SENP7: variants seen among roughly 807,000 people sequenced by gnomAD.
The protein encoded by SENP7 is sentrin-specific protease 7.
A neutral mutation model predicts 141.2 loss-of-function variants in SENP7; 64 were observed. That is an observed-to-expected ratio of 0.45 (90% CI 0.37 to 0.56). The LOEUF (loss-of-function observed/expected upper bound fraction) is 0.56. SENP7 is among the 20% of genes least tolerant of loss of function. SENP7 has a pLI of 0.00. For missense variants in SENP7, 1,025 were observed against 1,212.2 expected (o/e 0.85, Z 2.29); for synonymous variants, 382 against 426.4 (o/e 0.90, Z 1.28).
intron 8 of SENP7, among the ~76,000 whole-genome samples, 182 bp downstream of exon 8, chr3:101,367,648 T>G (rs1355317633): frequency 6.6e-6 from 1 of 152,180 alleles, no homozygotes; most frequent in African/African-American, 2.4e-5. Context: ...CCAATAACTC[T>G]GTATCACCAA....
chr3:101,463,378 T>TATATATATATATATATATATAC (rs2063632896), intron 3 of SENP7, among the ~76,000 whole-genome samples: 3 of 84,408 alleles, frequency 3.6e-5, no homozygotes, highest in Admixed American at 1.3e-4. Context: ...TATATATATA[T>TATATATATATATATATATATAC]ATATATATAT....
chr3:101,466,640 T>C (rs753282213), intron 3 of SENP7, among the ~76,000 whole-genome samples: 2 of 152,004 alleles, frequency 1.3e-5, no homozygotes, highest in Non-Finnish European at 2.9e-5. Flanking sequence ...TAAAACTCAA[T>C]AGTAGAGCAG....
intron 4 of SENP7, among the ~76,000 whole-genome samples, chr3:101,434,262 C>A (rs1485805042): frequency 6.6e-6 from 1 of 151,402 alleles, no homozygotes; most frequent in Non-Finnish European, 1.5e-5. Context: ...TACAGCAAAA[C>A]CTATAGGATA....
chr3:101,441,357 G>A (rs982036263), intron 4 of SENP7, among the ~76,000 whole-genome samples: 2 of 152,050 alleles, frequency 1.3e-5, no homozygotes, highest in African/African-American at 4.8e-5. Context: ...GGTGCACCCT[G>A]CCCCTGCAAA....
chr3:101,434,390 C>A (rs998917142), intron 4 of SENP7, among the ~76,000 whole-genome samples: 2 of 150,596 alleles, frequency 1.3e-5, no homozygotes, highest in East Asian at 3.9e-4. Context: ...ATAGCAAGAG[C>A]AAACCAAACC....
In SENP7 at chr3:101,366,759, T is replaced by C. The variant is rs141460045; in HGVS notation, c.989A>G (p.Glu330Gly). The C allele has an allele frequency of 6.3e-7, 1 of 1,577,834 alleles. No individual in the cohort carries two copies. Among genetic ancestry groups the C allele is most frequent in the African/African-American group, 1.4e-5 (1 of 73,544 alleles). Residue 330 changes from glutamate to glycine, a missense_variant, in exon 9 of 24, where the codon GAA becomes GGA. By Grantham distance (98) the Glu-to-Gly change is moderately conservative. Coordinates refer to ENST00000394095, the MANE Select transcript of SENP7 (RefSeq NM_020654.5). ...CTCAGTGGATATTGTTGAGTCATCT[T>C]CTTGTTTTTTCTAAACATAAACACA... ...DKSTEQTKKQ[E>G]DDSTISTEFE...
chr3:101,347,936 C>G lies in SENP7; in HGVS notation c.1773G>C (p.Trp591Cys). ...TCTCTTGAAGATAATCTGAAGAGAC[C>G]CAGAAGAAAAGAATAGCATGACTCC... Reference protein sequence around the residue: ...SKRSHAILFFWVSSDYLQEIQ... With the variant: ...SKRSHAILFFCVSSDYLQEIQ... Residue 591 changes from tryptophan to cysteine, a missense_variant, in exon 13 of 24, where the codon TGG (tryptophan) becomes TGC (cysteine). Around this residue, in one of 4 missense-constraint regions of SENP7, gnomAD observed 228 missense variants for 228.5 expected, o/e 1.00. Transcript: ENST00000394095. 6.2e-7 allele frequency: 1 copy of G among 1,608,050 alleles called. No individual in the cohort carries two copies. The highest frequency in any genetic ancestry group is 8.5e-7 in the Non-Finnish European group (1 of 1,175,962).
intron 7 of SENP7, among the ~76,000 whole-genome samples, chr3:101,371,107 C>G (rs1014604706): frequency 1.3e-5 from 2 of 152,014 alleles, no homozygotes; most frequent in African/African-American, 2.4e-5. Context: ...CTGGGCAACA[C>G]GGCAAGACCT....
intron 5 of SENP7, among the ~76,000 whole-genome samples, chr3:101,399,529 G>C (rs1362229703): frequency 2.6e-5 from 4 of 152,192 alleles, no homozygotes; most frequent in African/African-American, 4.8e-5. Context: ...TGCATCTCTG[G>C]TAATGAAAGA....
Position 101,466,983 on chromosome 3 carries a change from A to G in SENP7, c.187-7931T>C, listed in dbSNP as rs2107937683. On this transcript the variant is annotated intron_variant, in intron 3 of 23. Transcript: ENST00000394095. The stretch of plus-strand genomic sequence containing the variant: ...AAAAATGGGACAGTCCCGCCCAAAT[A>G]CTGCACTTTTCCCAAGGTCTTAGCA... 2.0e-5 allele frequency among the ~76,000 whole-genome samples: 3 copies of G among 152,278 alleles called. No homozygotes were observed. The South Asian group carries it at 6.2e-4, about 32-fold the overall frequency.
At chr3:101,421,664 G>C (rs146609987) in intron 4 of SENP7, among the ~76,000 whole-genome samples, 1 of 152,026 alleles carries the variant, frequency 6.6e-6, no homozygotes, top group African/African-American at 2.4e-5. Context: ...TGGCTTCTCC[G>C]GGAAAATACT....
chr3:101,454,962 T>A (rs1359814474), intron 4 of SENP7, among the ~76,000 whole-genome samples: 1 of 152,216 alleles, frequency 6.6e-6, no homozygotes, highest in Non-Finnish European at 1.5e-5. Flanking sequence ...ATTATTTAAT[T>A]ATTGAATTAA....
intron 4 of SENP7, among the ~76,000 whole-genome samples, chr3:101,445,840 A>G (rs1474557404): frequency 2.0e-5 from 3 of 152,250 alleles, no homozygotes; most frequent in Non-Finnish European, 2.9e-5. Flanking sequence ...GCAAGAAAAT[A>G]AAGATTCTGA....
intron 23 of SENP7, among the ~76,000 whole-genome samples, chr3:101,326,437 C>A (rs1301519970): frequency 6.6e-6 from 1 of 152,052 alleles, no homozygotes; most frequent in Non-Finnish European, 1.5e-5. Context: ...TTAAAGACAT[C>A]AAAAAGTTGT....
intron 10 of SENP7, among the ~76,000 whole-genome samples, chr3:101,364,256 G>GAAAGAAAGAAAGA (rs2059978835): frequency 6.9e-6 from 1 of 145,594 alleles, no homozygotes; most frequent in African/African-American, 2.5e-5. Flanking sequence ...AAGAAAGAAA[G>GAAAGAAAGAAAGA]AATACTGATA....
At chr3:101,383,115 C>T (rs1199017083) in intron 6 of SENP7, among the ~76,000 whole-genome samples, 1 of 152,206 alleles carries the variant, frequency 6.6e-6, no homozygotes, top group Non-Finnish European at 1.5e-5. Flanking sequence ...AGAGGTGAGG[C>T]CTGGTGAGAG....
chr3:101,513,212 G>GAAAAAAAAAAAAAAAAAAA (rs1254138448), upstream of SENP7: 1 of 132,838 alleles, frequency 7.5e-6, no homozygotes, highest in Non-Finnish European at 1.3e-5. Context: ...GGAGGGGAAA[G>GAAAAAAAAAAAAAAAAAAA]GAAAAAAAAA....
At chr3:101,480,234 A>G (rs2064410888) in intron 3 of SENP7, among the ~76,000 whole-genome samples, 1 of 152,204 alleles carries the variant, frequency 6.6e-6, no homozygotes, top group Admixed American at 6.5e-5. Context: ...AGAAAACAGA[A>G]CAAAGCTAGA....
At chr3:101,351,139 A>G (rs1011333857) in intron 12 of SENP7, among the ~76,000 whole-genome samples, 1 of 151,996 alleles carries the variant, frequency 6.6e-6, no homozygotes, top group Non-Finnish European at 1.5e-5. Context: ...GTCATAATTT[A>G]TTCTGAAAGG....
Sources: gnomAD v4.1 joint callset for allele counts (sites outside exome capture counted in the v4.1 genomes callset) on GRCh38, gnomAD v4.1.1 for gene constraint, gnomAD v4.1.1 regional missense constraint, MANE v1.5 for transcripts, NCBI Gene and HGNC (gene_info 2026-07-23, HGNC 2026-07-21) for gene names.